Variants in HMCN1 observed in about 807,000 individuals in gnomAD.
The protein encoded by HMCN1 is hemicentin 1.
In HMCN1, 321 loss-of-function variants were observed where a neutral mutation model predicts 625.9. The ratio of observed to expected loss-of-function variants is 0.51; its 90% CI spans 0.47 to 0.56. The LOEUF (loss-of-function observed/expected upper bound fraction) is 0.56, where lower values mean the gene tolerates loss of function less well. HMCN1 is among the 20% of genes least tolerant of loss of function. The probability of loss-of-function intolerance (pLI) is 0.00; values close to 1 mark genes in which losing one functional copy is unlikely to be tolerated. For missense variants in HMCN1, 6,588 were observed against 6,887.3 expected (o/e 0.96, Z 1.54); for synonymous variants, 2,425 against 2,417.6 (o/e 1.00, Z -0.09).
intron 2 of HMCN1, among the ~76,000 whole-genome samples, chr1:185,849,731 T>C (rs1476022639): frequency 1.3e-5 from 2 of 152,210 alleles, no homozygotes; most frequent in Admixed American, 1.3e-4. Flanking sequence ...TTGTAAATTA[T>C]ATACTAAATT....
Position 186,125,754 on chromosome 1 carries a change from C to A in HMCN1, c.12650C>A (p.Thr4217Asn). ...TTAGCTAACTTGTTAGGAAAATACA[C>A]TGCTGAACCATATGGAGAACTCATT... ...VLLANLLGKY[T>N]AEPYGELILE... Residue 4217 changes from threonine (T) to asparagine (N), a missense_variant, in exon 82 of 107, where the codon ACT becomes AAT. Coordinates refer to ENST00000271588, the MANE Select transcript of HMCN1 (RefSeq NM_031935.3). The A allele has an allele frequency of 6.2e-7, 1 of 1,613,294 alleles. No individual in the cohort carries two copies. The highest frequency in any genetic ancestry group is 1.1e-5 in the South Asian group (1 of 91,070).
At chr1:186,064,778 C>G (rs1408948446) in intron 48 of HMCN1, among the ~76,000 whole-genome samples, 1 of 146,080 alleles carries the variant, frequency 6.8e-6, no homozygotes, top group Non-Finnish European at 1.5e-5. Flanking sequence ...CCACTGCACT[C>G]CAGCCTGGGT....
At chr1:186,171,957 T>A (rs1355846060) in intron 101 of HMCN1, 49 bp from the exon 102 acceptor site, 2 of 1,575,408 alleles carry the variant, frequency 1.3e-6, no homozygotes, top group South Asian at 1.1e-5. Context: ...TCTGGAAAAG[T>A]TGAATAAATA....
At chr1:185,787,064 G>A (rs1369702897) in intron 1 of HMCN1, among the ~76,000 whole-genome samples, 2 of 151,828 alleles carry the variant, frequency 1.3e-5, no homozygotes, top group Non-Finnish European at 2.9e-5. Flanking sequence ...TTGAACCTAT[G>A]AGGTGAATGT....
At chr1:185,944,163 A>G (rs765716780) in intron 11 of HMCN1, among the ~76,000 whole-genome samples, 24 of 135,232 alleles carry the variant, frequency 1.8e-4, no homozygotes, top group Admixed American at 3.5e-4. Flanking sequence ...GGAAAGTGGG[A>G]AAAAAAAAAG....
chr1:186,111,019 C>T (rs1450071310), intron 71 of HMCN1, among the ~76,000 whole-genome samples: 4 of 71,952 alleles, frequency 5.6e-5, no homozygotes, highest in Admixed American at 3.7e-4. Context: ...CTCGCTCTGT[C>T]GCCCAGGTTG....
intron 2 of HMCN1, among the ~76,000 whole-genome samples, chr1:185,855,002 T>C (rs13374207): frequency 0.012 from 1,793 of 152,178 alleles, 39 homozygotes; most frequent in African/African-American, 0.041. Flanking sequence ...GAAATTTCTA[T>C]GGCTAGGTAG....
chr1:185,957,977 A>G (rs1044654699), intron 11 of HMCN1, among the ~76,000 whole-genome samples: 7 of 152,202 alleles, frequency 4.6e-5, no homozygotes, highest in African/African-American at 1.7e-4. Flanking sequence ...AAAAAAATCT[A>G]ATTTTATCTA....
At chr1:186,122,730 T>C (rs1661453413) in intron 80 of HMCN1, among the ~76,000 whole-genome samples, 1 of 152,234 alleles carries the variant, frequency 6.6e-6, no homozygotes, top group African/African-American at 2.4e-5. Context: ...TAAAATCGAC[T>C]ATCACTTAAC....
At chr1:186,119,125 T>C in intron 77 of HMCN1, 66 bp from the exon 78 acceptor site, 1 of 1,177,906 alleles carries the variant, frequency 8.5e-7, no homozygotes, top group Non-Finnish European at 1.3e-6. Context: ...CAAAAGAGAG[T>C]CAAATTTTAT....
chr1:186,107,795 C>T (rs1660681843), intron 70 of HMCN1, among the ~76,000 whole-genome samples: 1 of 152,042 alleles, frequency 6.6e-6, no homozygotes, highest in Non-Finnish European at 1.5e-5. Context: ...CACACTCACT[C>T]TTCTAAGGAT....
intron 4 of HMCN1, among the ~76,000 whole-genome samples, chr1:185,867,111 T>C (rs1413592463): frequency 6.6e-6 from 1 of 152,216 alleles, no homozygotes; most frequent in Non-Finnish European, 1.5e-5. Flanking sequence ...GAGCAAAGAA[T>C]CTAGCGAAAA....
intron 7 of HMCN1, 147 bp downstream of exon 7, chr1:185,922,646 C>G: frequency 2.6e-6 from 2 of 756,020 alleles, no homozygotes; most frequent in South Asian, 3.3e-5. Context: ...GGCCTAATCA[C>G]TTTCTCAAAG....
Position 186,113,968 on chromosome 1 carries a change from C to A in HMCN1, c.11132-11C>A, listed in dbSNP as rs897959824. The A allele has an allele frequency of 3.1e-6, 5 of 1,613,850 alleles. No homozygotes were observed. Among genetic ancestry groups the A allele is most frequent in the Non-Finnish European group, 4.2e-6 (5 of 1,179,898 alleles). On this transcript the variant is annotated splice_polypyrimidine_tract_variant and intron_variant, in intron 72 of 106. Transcript: ENST00000271588. Reference sequence around the variant, plus strand: ...TCTCACTGAATTTTTTCATGTGTATCTCTTGTTCAGTTCCTCCAAACATAA... The same window carrying A: ...TCTCACTGAATTTTTTCATGTGTATATCTTGTTCAGTTCCTCCAAACATAA...
intron 16 of HMCN1, among the ~76,000 whole-genome samples, chr1:185,978,699 G>A (rs1375459509): frequency 1.3e-5 from 2 of 151,852 alleles, no homozygotes; most frequent in East Asian, 3.8e-4. Flanking sequence ...ATTTTGGGTG[G>A]GTACGGGTTC....
At chr1:185,868,280 T>TA (rs1164122244) in intron 4 of HMCN1, among the ~76,000 whole-genome samples, 1 of 152,142 alleles carries the variant, frequency 6.6e-6, no homozygotes, top group Non-Finnish European at 1.5e-5. Context: ...AACTAAGCCC[T>TA]ATAGAGAAAC....
At chr1:185,774,563 A>C (rs1656468706) in intron 1 of HMCN1, among the ~76,000 whole-genome samples, 2 of 152,182 alleles carry the variant, frequency 1.3e-5, no homozygotes. Context: ...GGAGAGCTAA[A>C]TAAATGAATT....
intron 4 of HMCN1, among the ~76,000 whole-genome samples, chr1:185,891,713 A>G (rs1046654737): frequency 6.8e-6 from 1 of 148,070 alleles, no homozygotes; most frequent in Non-Finnish European, 1.5e-5. Flanking sequence ...TTTGAGGGTA[A>G]CCCGACCTTT....
chr1:185,922,254 C>G (rs1373542289), intron 6 of HMCN1, 125 bp from the exon 7 acceptor site: 1 of 1,040,620 alleles, frequency 9.6e-7, no homozygotes, highest in African/African-American at 1.6e-5. Context: ...AACATCAGAT[C>G]AGAGCCTCAG....
Sources: allele counts gnomAD v4.1 joint callset (sites outside exome capture counted in the v4.1 genomes callset), GRCh38; gene constraint gnomAD v4.1.1; transcripts MANE v1.5; gene names NCBI Gene and HGNC (gene_info 2026-07-23, HGNC 2026-07-21).